The following TESPA1 variants were observed in gnomAD, a reference collection of about 807,000 sequenced individuals.
TESPA1 encodes protein TESPA1.
Under a neutral mutation model 57.9 loss-of-function variants are expected in TESPA1, and 33 were observed. The observed-to-expected ratio is 0.57, with a 90% confidence interval of 0.43 to 0.76. The LOEUF (loss-of-function observed/expected upper bound fraction) is 0.76, where lower values mean the gene tolerates loss of function less well. TESPA1 is among the 30% of genes least tolerant of loss of function. The pLI is 0.00. For synonymous variants in TESPA1, 227 were observed against 228.9 expected, an observed-to-expected ratio of 0.99 and a Z score of 0.07; for missense variants, 618 against 632.9, an observed-to-expected ratio of 0.98 and a Z score of 0.25.
intron 8 of TESPA1, 99 bp from the exon 9 acceptor site, chr12:54,963,341 G>T: frequency 8.3e-7 from 1 of 1,201,978 alleles, no homozygotes; most frequent in Non-Finnish European, 1.1e-6. Flanking sequence ...AATTCAGGGA[G>T]AAGCTTCCAA....
At chr12:54,979,859 C>T (rs554333057) in intron 1 of TESPA1, among the ~76,000 whole-genome samples, 222 of 152,268 alleles carry the variant, frequency 1.5e-3, no homozygotes, top group African/African-American at 4.7e-3. Flanking sequence ...CACATTGACA[C>T]GGGCAAGTCA....
intron 4 of TESPA1, among the ~76,000 whole-genome samples, 198 bp from the exon 5 acceptor site, chr12:54,967,434 G>T (rs564737295): frequency 6.6e-6 from 1 of 151,016 alleles, no homozygotes; most frequent in Admixed American, 6.6e-5. Flanking sequence ...ATTCATTTTT[G>T]ATTCAGAAAC....
At position 54,969,045 on chromosome 12, in the gene TESPA1, A is replaced by ATATATG; in HGVS notation, c.207-1154_207-1153insCATATA. 1.7e-5 allele frequency among the ~76,000 whole-genome samples: 2 copies of ATATATG among 115,810 alleles called. 1 individual carries two copies. Among genetic ancestry groups the ATATATG allele is most frequent in the Admixed American group, 1.8e-4 (2 of 10,914 alleles). The allele number at this position is 115,810 out of a possible 152,430, so 76.0% of individuals were successfully genotyped here. ...TGTATATATATATATATATATATAT[A>ATATATG]TGTGTGTGTGTAGATAGATAGATAT... is the stretch of plus-strand genomic sequence containing the variant. On this transcript the variant is annotated intron_variant, in intron 3 of 10. Coordinates refer to ENST00000449076, the MANE Select transcript of TESPA1 (RefSeq NM_001136030.3).
chr12:54,959,709 G>A (rs1950959944), intron 10 of TESPA1, among the ~76,000 whole-genome samples: 1 of 152,176 alleles, frequency 6.6e-6, no homozygotes, highest in Non-Finnish European at 1.5e-5. Context: ...GGTTTGCCCT[G>A]TGACCCACTT....
intron 10 of TESPA1, among the ~76,000 whole-genome samples, chr12:54,959,021 A>C (rs187607514): frequency 9.1e-4 from 139 of 152,288 alleles, no homozygotes; most frequent in African/African-American, 3.2e-3. Context: ...CTGTTTCTTC[A>C]ACCTGTTTTT....
intron 10 of TESPA1, among the ~76,000 whole-genome samples, chr12:54,950,835 C>T (rs1202251298): frequency 1.3e-5 from 2 of 152,238 alleles, no homozygotes; most frequent in Non-Finnish European, 2.9e-5. Flanking sequence ...TCCTGACTCA[C>T]ACTTTTTAGT....
intron 2 of TESPA1, 35 bp from the exon 3 acceptor site, chr12:54,973,554 T>G (rs766604846): frequency 3.2e-5 from 51 of 1,613,808 alleles, no homozygotes; most frequent in Non-Finnish European, 4.2e-5. Context: ...CTGTGAGAAC[T>G]GAACGAAATC....
At chr12:54,966,335 TTCACTGATTCTTAAAGGAGACATCA>T in intron 6 of TESPA1, 28 bp downstream of exon 6, 4 of 1,612,486 alleles carry the variant, frequency 2.5e-6, no homozygotes, top group Non-Finnish European at 3.4e-6. Flanking sequence ...CCTACCCCAA[TTCACTGATTCTTAAAGGAGACATCA>T]TTCACCCTGG....
At position 54,974,529 on chromosome 12, in the gene TESPA1, C is replaced by G. The variant is rs200900573; in HGVS notation, c.34G>C (p.Glu12Gln). The change falls in exon 2 of 11, where the codon GAG becomes CAG. Residue 12 changes from glutamate (E) to glutamine (Q), a missense_variant. Around this residue, in one of 3 missense-constraint regions of TESPA1, gnomAD observed 199 missense variants for 184.0 expected, o/e 1.08. Transcript: ENST00000449076. ...TGACGGAGCCAGGCCCGCCGTTTCT[C>G]CCAGGATGTGGGGCTCAGCACAGAG... ...EASVLSPTSW[E>Q]KRRAWLRQSR... 1.2e-6 allele frequency: 2 copies of G among 1,600,150 alleles called. No homozygotes were observed. Among genetic ancestry groups the G allele is most frequent in the Non-Finnish European group, 8.5e-7 (1 of 1,173,340 alleles).
Position 54,974,467 on chromosome 12 carries a change from C to T in TESPA1, c.96G>A (p.Glu32=). ...RNWQTQVLEE[E]AAAALQDVPD... ...GGACATCCTGCAGGGCGGCGGCAGC[C>T]TCCTCTTCTAGGACCTGGGTCTGCC... Residue 32 remains glutamate, a synonymous_variant, in exon 2 of 11, where the codon GAG becomes GAA. Transcript: ENST00000449076. 3 of 1,608,144 alleles carry T rather than the reference C, an allele frequency of 1.9e-6. No individual in the cohort carries two copies. Among genetic ancestry groups the T allele is most frequent in the Non-Finnish European group, 2.5e-6 (3 of 1,177,434 alleles).
intron 3 of TESPA1, among the ~76,000 whole-genome samples, chr12:54,968,252 T>C (rs1450027911): frequency 2.0e-5 from 3 of 152,216 alleles, no homozygotes; most frequent in Non-Finnish European, 2.9e-5. Flanking sequence ...GGCGTTTGCA[T>C]GCCATAATTT....
At chr12:54,952,550 T>C (rs1950466161) in intron 10 of TESPA1, among the ~76,000 whole-genome samples, 1 of 152,246 alleles carries the variant, frequency 6.6e-6, no homozygotes, top group Non-Finnish European at 1.5e-5. Flanking sequence ...TGGGTAGAGA[T>C]GCAAATAATT....
intron 3 of TESPA1, among the ~76,000 whole-genome samples, chr12:54,971,055 G>A (rs1441360358): frequency 6.6e-6 from 1 of 152,174 alleles, no homozygotes; most frequent in African/African-American, 2.4e-5. Context: ...CAGAATAGTC[G>A]GCCGCTAGAT....
chr12:54,950,005 C>G lies in TESPA1; in HGVS notation c.*387G>C. The G allele has an allele frequency of 4.8e-6, 1 of 206,674 alleles. No individual in the cohort carries two copies. The highest frequency in any genetic ancestry group is 1.4e-4 in the East Asian group (1 of 7,090). 12.8% of individuals were successfully genotyped at this position (206,674 alleles called of 1,614,324 possible). A position where few individuals can be genotyped will look rare whatever the true frequency, so the allele number is the denominator to read the frequency against. On this transcript the variant is annotated 3_prime_UTR_variant, in exon 11 of 11. Transcript: ENST00000449076. ...ATTAGAAAAAAACTTGTCCCCTAAACTTGATCCTGAAGTCTCCTAACTGCC... is the reference window on the plus strand; with the variant it reads ...ATTAGAAAAAAACTTGTCCCCTAAAGTTGATCCTGAAGTCTCCTAACTGCC...
Position 54,974,443 on chromosome 12 carries a change from G to C in TESPA1, c.120C>G (p.Val40=), listed in dbSNP as rs185036785. 37 of 1,610,506 alleles carry C rather than the reference G, an allele frequency of 2.3e-5. No homozygotes were observed. The Admixed American group carries it at 2.7e-4, about 12-fold the overall frequency. ...EEEAAAALQD[V]PDPEPSSLDD... ...CCAGGCTGGAAGGCTCAGGATCTGG[G>C]ACATCCTGCAGGGCGGCGGCAGCCT... The change falls in exon 2 of 11, where the codon GTC becomes GTG. Residue 40 remains valine (V), a synonymous_variant. Transcript: ENST00000449076.
chr12:54,958,349 C>T (rs11171194), intron 10 of TESPA1, among the ~76,000 whole-genome samples: 3,370 of 152,240 alleles, frequency 0.022, 169 homozygotes, highest in East Asian at 0.16. Context: ...TACACATTTT[C>T]TGAGGAGAAG....
chr12:54,969,788 A>T (rs1016181751), intron 3 of TESPA1, among the ~76,000 whole-genome samples: 1 of 152,220 alleles, frequency 6.6e-6, no homozygotes, highest in Non-Finnish European at 1.5e-5. Context: ...GTTACAAGTC[A>T]GGGTATTTGT....
At chr12:54,984,318 CAA>C (rs1422862858) in intron 1 of TESPA1, among the ~76,000 whole-genome samples, 1 of 152,124 alleles carries the variant, frequency 6.6e-6, no homozygotes, top group African/African-American at 2.4e-5. Flanking sequence ...TTCAAGTCAT[CAA>C]AGAGACCCAA....
intron 10 of TESPA1, among the ~76,000 whole-genome samples, chr12:54,952,259 G>A (rs1435910671): frequency 6.6e-6 from 1 of 152,168 alleles, no homozygotes; most frequent in African/African-American, 2.4e-5. Flanking sequence ...GGACTTCCCA[G>A]CTCCCAGAAC....
Sources: allele counts gnomAD v4.1 joint callset (sites outside exome capture counted in the v4.1 genomes callset), GRCh38; gene constraint gnomAD v4.1.1; regional missense constraint gnomAD v4.1.1; transcripts MANE v1.5; gene names NCBI Gene and HGNC (gene_info 2026-07-23, HGNC 2026-07-21).